PRKG1: variants seen among roughly 807,000 people sequenced by gnomAD.
PRKG1 encodes the protein protein kinase cGMP-dependent 1, also known as cGMP-dependent protein kinase 1.
A neutral mutation model predicts 88.1 loss-of-function variants in PRKG1; 35 were observed. The ratio of observed to expected loss-of-function variants is 0.40; its 90% CI spans 0.30 to 0.53. The LOEUF is 0.53. Ranked by LOEUF, PRKG1 falls within the 20% of genes least tolerant of loss-of-function variation. The pLI is 0.59. For synonymous variants in PRKG1, 303 were observed against 292.5 expected, an observed-to-expected ratio of 1.04 and a Z score of -0.37; for missense variants, 540 against 839.8, an observed-to-expected ratio of 0.64 and a Z score of 4.41.
chr10:52,048,008 A>G (rs761726476), intron 5 of PRKG1, among the ~76,000 whole-genome samples: 10 of 152,070 alleles, frequency 6.6e-5, no homozygotes, highest in Non-Finnish European at 1.3e-4. Context: ...ATATACATGT[A>G]TATGTATATA....
At chr10:52,152,217 G>T (rs181527704) in intron 8 of PRKG1, among the ~76,000 whole-genome samples, 14 of 152,200 alleles carry the variant, frequency 9.2e-5, no homozygotes, top group African/African-American at 3.1e-4. Flanking sequence ...ATGAGTAAGT[G>T]GTTGAGCGAG....
At chr10:51,737,703 A>ATTTT (rs1326234393) in intron 3 of PRKG1, among the ~76,000 whole-genome samples, 9 of 138,132 alleles carry the variant, frequency 6.5e-5, no homozygotes, top group Admixed American at 2.9e-4. Context: ...AGGACTCTAT[A>ATTTT]TTTTTATTTA....
chr10:52,227,147 G>GAA (rs1378299745), intron 9 of PRKG1, among the ~76,000 whole-genome samples: 1 of 152,182 alleles, frequency 6.6e-6, no homozygotes, highest in East Asian at 1.9e-4. Flanking sequence ...AAAGATAGAA[G>GAA]AAGCTATTTC....
chr10:51,368,550 T>A (rs142366533), intron 2 of PRKG1, among the ~76,000 whole-genome samples: 2 of 152,062 alleles, frequency 1.3e-5, no homozygotes, highest in African/African-American at 4.8e-5. Flanking sequence ...TCCAAAATCT[T>A]ACATAGAAAA....
chr10:51,874,284 C>T (rs1841235384), intron 4 of PRKG1, among the ~76,000 whole-genome samples: 1 of 152,194 alleles, frequency 6.6e-6, no homozygotes. Context: ...TGTGCATCTT[C>T]AGCAGACTGC....
At chr10:51,382,130 A>C (rs953373925) in intron 2 of PRKG1, among the ~76,000 whole-genome samples, 3 of 152,140 alleles carry the variant, frequency 2.0e-5, no homozygotes, top group African/African-American at 7.2e-5. Flanking sequence ...CATGACCTTA[A>C]GAAAGATGGG....
chr10:51,775,355 G>A (rs1838406729), intron 3 of PRKG1, among the ~76,000 whole-genome samples: 1 of 152,002 alleles, frequency 6.6e-6, no homozygotes, highest in South Asian at 2.1e-4. Context: ...AGAAGATGCT[G>A]GCTTACCTTC....
At chr10:51,447,621 T>TTTTCCTCTGAGTC (rs2308138) in intron 2 of PRKG1, among the ~76,000 whole-genome samples, 1 of 151,652 alleles carries the variant, frequency 6.6e-6, no homozygotes, top group Non-Finnish European at 1.5e-5. Flanking sequence ...ACCATTTCCA[T>TTTTCCTCTGAGTC]TTCTCTCCAC....
chr10:51,098,959 A>G (rs1196222118), intron 1 of PRKG1, among the ~76,000 whole-genome samples: 1 of 152,164 alleles, frequency 6.6e-6, no homozygotes, highest in African/African-American at 2.4e-5. Flanking sequence ...TTTCTCACAT[A>G]TGAGAGCACA....
At chr10:51,295,224 G>T (rs572078994) in intron 2 of PRKG1, among the ~76,000 whole-genome samples, 1 of 152,268 alleles carries the variant, frequency 6.6e-6, no homozygotes, top group East Asian at 1.9e-4. Context: ...ATTATTGTGG[G>T]TAGTATGGAC....
chr10:51,844,140 GA>G (rs1471743032), intron 4 of PRKG1, among the ~76,000 whole-genome samples: 1 of 152,074 alleles, frequency 6.6e-6, no homozygotes, highest in Non-Finnish European at 1.5e-5. Context: ...AGGGGAAGAA[GA>G]ATGAAAAGAA....
At chr10:51,640,227 C>T (rs944376094) in intron 3 of PRKG1, among the ~76,000 whole-genome samples, 1 of 152,130 alleles carries the variant, frequency 6.6e-6, no homozygotes, top group Non-Finnish European at 1.5e-5. Flanking sequence ...AGCTGGCCGC[C>T]CTGCTTATCA....
At chr10:51,044,527 AT>A (rs934472031) in intron 1 of PRKG1, among the ~76,000 whole-genome samples, 65 of 152,274 alleles carry the variant, frequency 4.3e-4, no homozygotes, top group African/African-American at 1.5e-3. Flanking sequence ...CATCAAAAAA[AT>A]AACCTTAAGC....
chr10:51,385,583 C>T (rs1330062782), intron 2 of PRKG1, among the ~76,000 whole-genome samples: 1 of 152,082 alleles, frequency 6.6e-6, no homozygotes, highest in Non-Finnish European at 1.5e-5. Flanking sequence ...TCTAAGCCCT[C>T]ATCATCTTCA....
chr10:51,965,118 A>G (rs1843535823), intron 5 of PRKG1, among the ~76,000 whole-genome samples: 1 of 152,172 alleles, frequency 6.6e-6, no homozygotes, highest in African/African-American at 2.4e-5. Context: ...AGGGGTACGT[A>G]TGCAGGTTTG....
chr10:51,925,291 G>A (rs12240431), intron 5 of PRKG1, among the ~76,000 whole-genome samples: 3,368 of 151,748 alleles, frequency 0.022, 144 homozygotes, highest in African/African-American at 0.077. Flanking sequence ...TGGTGTCCTT[G>A]TCTTTGACTC....
chr10:51,154,524 T>C (rs956221966), intron 2 of PRKG1, among the ~76,000 whole-genome samples: 4 of 152,028 alleles, frequency 2.6e-5, no homozygotes, highest in African/African-American at 4.8e-5. Flanking sequence ...TAATGTAAAG[T>C]ATAGAACACC....
chr10:51,880,485 C>T (rs1841409745), intron 4 of PRKG1, among the ~76,000 whole-genome samples: 1 of 152,026 alleles, frequency 6.6e-6, no homozygotes, highest in Non-Finnish European at 1.5e-5. Flanking sequence ...CCCCATTTTT[C>T]CATTTAAGAG....
At chr10:51,608,834 C>A (rs934606696) in intron 3 of PRKG1, among the ~76,000 whole-genome samples, 1 of 152,034 alleles carries the variant, frequency 6.6e-6, no homozygotes, top group African/African-American at 2.4e-5. Context: ...GACCCTGACA[C>A]TATGTAGGTC....
Sources: allele counts gnomAD v4.1 joint callset (sites outside exome capture counted in the v4.1 genomes callset), GRCh38; gene constraint gnomAD v4.1.1; transcripts MANE v1.5; gene names NCBI Gene and HGNC (gene_info 2026-07-23, HGNC 2026-07-21).